Variants in DSCAM observed in about 807,000 individuals in gnomAD.
The protein encoded by DSCAM is DS cell adhesion molecule.
DSCAM carries 47 observed loss-of-function variants against 217.7 expected under a neutral mutation model. The observed-to-expected ratio is 0.22, with a 90% CI of 0.17 to 0.28. The LOEUF (loss-of-function observed/expected upper bound fraction) is 0.28, where lower values mean the gene tolerates loss of function less well. Ranked by LOEUF, DSCAM falls within the 10% of genes least tolerant of loss-of-function variation. DSCAM has a pLI of 1.00. For missense variants in DSCAM, 2,080 were observed against 2,618.3 expected (o/e 0.79, Z 4.49); for synonymous variants, 1,056 against 1,015.3 (o/e 1.04, Z -0.76).
At chr21:40,485,398 G>A (rs7278855) in intron 3 of DSCAM, among the ~76,000 whole-genome samples, 16,574 of 150,928 alleles carry the variant, frequency 0.11, 960 homozygotes, top group Middle Eastern at 0.17. Context: ...GCCCGCCACC[G>A]CGCCCGGCTA....
intron 3 of DSCAM, among the ~76,000 whole-genome samples, chr21:40,649,735 A>G (rs2089991315): frequency 6.6e-6 from 1 of 152,226 alleles, no homozygotes; most frequent in African/African-American, 2.4e-5. Context: ...GATGTTGTGC[A>G]GGAAAGGTTC....
At chr21:40,638,599 G>C (rs1028366746) in intron 3 of DSCAM, among the ~76,000 whole-genome samples, 4 of 152,176 alleles carry the variant, frequency 2.6e-5, no homozygotes, top group Admixed American at 2.6e-4. Flanking sequence ...CTCTGCTCTT[G>C]CATTCCCTGA....
intron 15 of DSCAM, among the ~76,000 whole-genome samples, chr21:40,175,785 A>ACACACACACG (rs2090719248): frequency 2.0e-5 from 2 of 97,698 alleles, no homozygotes; most frequent in South Asian, 3.2e-4. Flanking sequence ...ACACATACAC[A>ACACACACACG]CACACACACA....
chr21:40,212,144 ATT>A (rs1290458644), intron 11 of DSCAM, among the ~76,000 whole-genome samples: 1 of 151,676 alleles, frequency 6.6e-6, no homozygotes, highest in East Asian at 2.0e-4. Flanking sequence ...TAATTTTTTT[ATT>A]TTTAGTAGAG....
intron 3 of DSCAM, among the ~76,000 whole-genome samples, chr21:40,584,187 C>T (rs1213097133): frequency 2.0e-5 from 3 of 152,186 alleles, no homozygotes; most frequent in Non-Finnish European, 4.4e-5. Flanking sequence ...CTGTTGGGGT[C>T]AGGTTCCGCT....
chr21:40,143,510 G>C (rs2090317061), intron 17 of DSCAM, among the ~76,000 whole-genome samples: 2 of 152,200 alleles, frequency 1.3e-5, no homozygotes, highest in Admixed American at 6.5e-5. Flanking sequence ...TGTGATCAAG[G>C]GCCGGGCGCG....
intron 11 of DSCAM, among the ~76,000 whole-genome samples, chr21:40,205,820 A>G (rs978807017): frequency 1.3e-5 from 2 of 152,188 alleles, no homozygotes; most frequent in Admixed American, 6.5e-5. Flanking sequence ...AGCATGTTTC[A>G]AAAACATTCA....
chr21:40,604,134 T>C (rs975184173), intron 3 of DSCAM, among the ~76,000 whole-genome samples: 13 of 152,122 alleles, frequency 8.5e-5, no homozygotes, highest in African/African-American at 3.1e-4. Context: ...ATTCATTTTT[T>C]TTCTCTTTGC....
chr21:40,296,248 G>T, intron 9 of DSCAM, 74 bp from the exon 10 acceptor site: 2 of 1,505,604 alleles, frequency 1.3e-6, no homozygotes, highest in South Asian at 2.4e-5. Flanking sequence ...CTAAGAAACT[G>T]AATCATTTTA....
chr21:40,278,753 A>G (rs1409928328), intron 10 of DSCAM, among the ~76,000 whole-genome samples: 1 of 151,896 alleles, frequency 6.6e-6, no homozygotes, highest in African/African-American at 2.4e-5. Flanking sequence ...AGGAGGAGGA[A>G]GAGGAGGAGG....
In DSCAM at chr21:40,179,184, C is replaced by CAAAAAAAA. The variant is rs11286508; in HGVS notation, c.2780-98_2780-91dup. 56 of 102,588 alleles carry CAAAAAAAA rather than the reference C, an allele frequency of 5.5e-4. 4 individuals are homozygous for CAAAAAAAA. The highest frequency in any genetic ancestry group is 1.0e-3 in the East Asian group (2 of 1,992). 6.4% of individuals were successfully genotyped at this position (102,588 alleles called of 1,614,324 possible). Reference sequence around the variant, plus strand: ...AAGTTCACAAGTAGGAATTAAAAACCAAAAAAAAAAAAAAAAAAAAAAAAA... The same window carrying CAAAAAAAA: ...AAGTTCACAAGTAGGAATTAAAAACCAAAAAAAAAAAAAAAAAAAAAAAAAAAAAAAAA... On this transcript the variant is annotated intron_variant, in intron 14 of 32. Coordinates refer to ENST00000400454, the MANE Select transcript of DSCAM (RefSeq NM_001389.5).
rs1442716353 is a variant in DSCAM at position 40,415,480 on chromosome 21, G to A, written c.509-46235C>T. 2.6e-5 allele frequency among the ~76,000 whole-genome samples: 4 copies of A among 152,368 alleles called. No homozygotes were observed. The South Asian group carries it at 6.2e-4, about 24-fold the overall frequency. On this transcript the variant is annotated intron_variant, in intron 3 of 32. Coordinates refer to ENST00000400454, the MANE Select transcript of DSCAM (RefSeq NM_001389.5). Reference sequence around the variant, plus strand: ...ACTAATGAATGACCCAGGTCTGGATGGTCACTGTGCAAGATGCTGAGGAGT... The same window carrying A: ...ACTAATGAATGACCCAGGTCTGGATAGTCACTGTGCAAGATGCTGAGGAGT...
chr21:40,710,660 C>T (rs2090770338), intron 1 of DSCAM, among the ~76,000 whole-genome samples: 1 of 152,112 alleles, frequency 6.6e-6, no homozygotes, highest in East Asian at 1.9e-4. Flanking sequence ...CATTTAAGGG[C>T]CTATAACAAG....
At chr21:40,542,224 G>A (rs1330294778) in intron 3 of DSCAM, among the ~76,000 whole-genome samples, 1 of 152,172 alleles carries the variant, frequency 6.6e-6, no homozygotes, top group Non-Finnish European at 1.5e-5. Flanking sequence ...TGAATGTTCA[G>A]TGCTATCTAT....
intron 3 of DSCAM, among the ~76,000 whole-genome samples, chr21:40,587,840 G>T (rs966027438): frequency 6.6e-6 from 1 of 152,052 alleles, no homozygotes; most frequent in Non-Finnish European, 1.5e-5. Context: ...TGAAATTTCA[G>T]CTGTCTCAGT....
chr21:40,596,013 GT>G (rs999501488), intron 3 of DSCAM, among the ~76,000 whole-genome samples: 3 of 152,294 alleles, frequency 2.0e-5, no homozygotes, highest in South Asian at 4.1e-4. Context: ...CTGGCCTGTG[GT>G]TTTCCTTTGC....
chr21:40,364,853 A>G (rs983416425), intron 4 of DSCAM, among the ~76,000 whole-genome samples: 1 of 149,248 alleles, frequency 6.7e-6, no homozygotes, highest in African/African-American at 2.4e-5. Context: ...ACATATGTAA[A>G]GTATTTAGAA....
intron 3 of DSCAM, among the ~76,000 whole-genome samples, chr21:40,397,071 T>G (rs977003154): frequency 6.6e-6 from 1 of 152,168 alleles, no homozygotes; most frequent in East Asian, 1.9e-4. Context: ...TTACATTGCT[T>G]TCATCCTATA....
At chr21:40,177,300 T>C (rs1290347548) in intron 15 of DSCAM, among the ~76,000 whole-genome samples, 2 of 152,194 alleles carry the variant, frequency 1.3e-5, no homozygotes, top group Non-Finnish European at 2.9e-5. Context: ...AGTGATCAGA[T>C]ATGTCTGTGT....
Sources: gnomAD v4.1 joint callset for allele counts (sites outside exome capture counted in the v4.1 genomes callset) on GRCh38, gnomAD v4.1.1 for gene constraint, MANE v1.5 for transcripts, NCBI Gene and HGNC (gene_info 2026-07-23, HGNC 2026-07-21) for gene names.